The following CNBD1 variants were observed in gnomAD, a reference collection of about 807,000 sequenced individuals.
CNBD1 encodes cyclic nucleotide-binding domain-containing protein 1.
A neutral mutation model predicts 54.4 loss-of-function variants in CNBD1; 71 were observed. The observed-to-expected ratio is 1.30, with a 90% CI of 1.08 to 1.59. The LOEUF is 1.59. CNBD1 is among the 40% of genes most tolerant of loss of function. The pLI is 0.00. For missense variants in CNBD1, 659 were observed against 518.0 expected (o/e 1.27, Z -2.64); for synonymous variants, 182 against 170.7 (o/e 1.07, Z -0.51).
intron 3 of CNBD1, among the ~76,000 whole-genome samples, chr8:86,920,943 G>A (rs28662809): frequency 0.021 from 3,163 of 151,972 alleles, 102 homozygotes; most frequent in African/African-American, 0.073. Flanking sequence ...AGTCTAGATG[G>A]CCTATAAATT....
At chr8:86,995,464 C>A (rs905678737) in intron 4 of CNBD1, among the ~76,000 whole-genome samples, 1 of 152,066 alleles carries the variant, frequency 6.6e-6, no homozygotes, top group Non-Finnish European at 1.5e-5. Flanking sequence ...ATTCCTGACC[C>A]CTGACATAAA....
At chr8:87,393,982 G>GT (rs531887251) in intron 2 of CNBD1, among the ~76,000 whole-genome samples, 1,624 of 151,940 alleles carry the variant, frequency 0.011, 17 homozygotes, top group Middle Eastern at 0.037. Flanking sequence ...ACTTACTTGA[G>GT]TAAATGACCA....
chr8:87,146,810 T>TA (rs1812499778), intron 4 of CNBD1, among the ~76,000 whole-genome samples: 1 of 152,200 alleles, frequency 6.6e-6, no homozygotes, highest in Admixed American at 6.5e-5. Context: ...CTCACTGTAA[T>TA]AACCTCCTAC....
intron 8 of CNBD1, among the ~76,000 whole-genome samples, chr8:87,320,715 T>TA (rs1269851785): frequency 6.6e-6 from 1 of 152,148 alleles, no homozygotes; most frequent in Non-Finnish European, 1.5e-5. Flanking sequence ...ATTTATTTTT[T>TA]ACTGTGATAA....
intron 3 of CNBD1, among the ~76,000 whole-genome samples, chr8:86,938,811 G>C (rs531063146): frequency 1.1e-4 from 17 of 152,304 alleles, no homozygotes; most frequent in Admixed American, 3.9e-4. Context: ...GGTTACCAGA[G>C]TAGCCAGCAC....
intron 4 of CNBD1, among the ~76,000 whole-genome samples, chr8:86,941,403 C>T (rs1465860366): frequency 6.6e-6 from 1 of 152,194 alleles, no homozygotes; most frequent in East Asian, 1.9e-4. Context: ...CCATTAAACT[C>T]TAATGTTGAT....
At chr8:87,299,612 T>G (rs1296018117) in intron 8 of CNBD1, among the ~76,000 whole-genome samples, 1 of 152,186 alleles carries the variant, frequency 6.6e-6, no homozygotes, top group East Asian at 1.9e-4. Flanking sequence ...ATTTGATAAG[T>G]TAATTGGATT....
At chr8:87,040,625 G>A (rs889500752) in intron 4 of CNBD1, among the ~76,000 whole-genome samples, 1 of 151,146 alleles carries the variant, frequency 6.6e-6, no homozygotes, top group East Asian at 1.9e-4. Context: ...GGGGTTTCAT[G>A]GTGTTAGCCA....
intron 10 of CNBD1, among the ~76,000 whole-genome samples, chr8:87,369,568 G>T (rs1163812506): frequency 6.6e-6 from 1 of 151,828 alleles, no homozygotes; most frequent in Admixed American, 6.6e-5. Flanking sequence ...GATTAGTTTT[G>T]TTAGATTTAG....
intron 4 of CNBD1, among the ~76,000 whole-genome samples, chr8:87,058,277 T>C (rs1262277732): frequency 6.6e-6 from 1 of 152,206 alleles, no homozygotes; most frequent in Non-Finnish European, 1.5e-5. Context: ...CAGTCCCAGC[T>C]GCTTTCACAG....
In CNBD1 at chr8:87,200,985, T is replaced by A. The variant is rs1295825156; in HGVS notation, c.432-5008T>A. ...AGCCAATGTCCCTTATGAATATTGA[T>A]GCAAATATTCTCAACAAAATAGTAG... On this transcript the variant is annotated intron_variant, in intron 4 of 10. Transcript: ENST00000518476. Among the ~76,000 whole-genome samples the A allele has an allele frequency of 2.6e-5, 4 of 152,160 alleles. No individual in the cohort carries two copies. In the East Asian group the frequency reaches 5.8e-4, roughly 22 times the overall value.
intron 4 of CNBD1, among the ~76,000 whole-genome samples, chr8:87,192,612 C>CT (rs1813636623): frequency 2.0e-5 from 3 of 152,144 alleles, no homozygotes; most frequent in Admixed American, 2.0e-4. Flanking sequence ...CCTTGATGCT[C>CT]TTTATAACTG....
rs765700595 is a variant in CNBD1 at position 87,166,626 on chromosome 8, C to G, written c.432-39367C>G. 2.0e-5 allele frequency among the ~76,000 whole-genome samples: 3 copies of G among 151,948 alleles called. No individual in the cohort carries two copies. Among genetic ancestry groups the G allele is most frequent in the Non-Finnish European group, 4.4e-5 (3 of 67,916 alleles). On this transcript the variant is annotated intron_variant, in intron 4 of 10. Transcript: ENST00000518476. The surrounding 1 kb of genome is among the most constrained non-coding windows in gnomAD (Gnocchi z 4.3). The stretch of plus-strand genomic sequence containing the variant: ...CCAAAGTCCAGCCCTTCTCACAGTT[C>G]TCTGGCTCTTTCACTTTCTTGTCAG...
chr8:87,250,010 A>G (rs1268873058), intron 6 of CNBD1, among the ~76,000 whole-genome samples: 2 of 152,212 alleles, frequency 1.3e-5, no homozygotes. Flanking sequence ...TGCCCAGCAA[A>G]TGAAACATCA....
At chr8:87,405,697 T>G (rs1586082505) in intron 2 of CNBD1, among the ~76,000 whole-genome samples, 1 of 152,108 alleles carries the variant, frequency 6.6e-6, no homozygotes, top group East Asian at 1.9e-4. Context: ...TCTTGAAAAT[T>G]CCTTCCCTAG....
intron 2 of CNBD1, among the ~76,000 whole-genome samples, chr8:87,403,980 T>C (rs527508329): frequency 3.7e-4 from 57 of 152,074 alleles, no homozygotes; most frequent in Non-Finnish European, 6.5e-4. Flanking sequence ...AAGATGTTTC[T>C]TTTAGTTTAC....
chr8:87,081,221 A>G (rs1163271138), intron 4 of CNBD1, among the ~76,000 whole-genome samples: 1 of 151,860 alleles, frequency 6.6e-6, no homozygotes, highest in Admixed American at 6.6e-5. Context: ...CATTTTTTCC[A>G]TAATATTTTC....
In CNBD1 at chr8:86,904,215, C is replaced by A. The variant is rs147062246; in HGVS notation, c.159-866C>A. Among the ~76,000 whole-genome samples the A allele has an allele frequency of 5.3e-5, 8 of 151,960 alleles. No homozygotes were observed. The South Asian group carries it at 1.7e-3, about 32-fold the overall frequency. ...GAGGATTTTGTTGTTCATTGTCATG[C>A]GGCAACTATTGGCTAAGATGTTTGT... On this transcript the variant is annotated intron_variant, in intron 2 of 10. Transcript: ENST00000518476.
chr8:86,967,453 G>A (rs1808109877), intron 4 of CNBD1, among the ~76,000 whole-genome samples: 1 of 152,232 alleles, frequency 6.6e-6, no homozygotes. Flanking sequence ...CAACTCAGAA[G>A]GGGCGGGGCT....
Sources: allele counts gnomAD v4.1 joint callset (sites outside exome capture counted in the v4.1 genomes callset), GRCh38; gene constraint gnomAD v4.1.1; non-coding constraint Gnocchi (gnomAD v3.1); transcripts MANE v1.5; gene names NCBI Gene and HGNC (gene_info 2026-07-23, HGNC 2026-07-21).